Variants in PTK2 observed in about 807,000 individuals in gnomAD.
The protein encoded by PTK2 is protein tyrosine kinase 2.
Under a neutral mutation model 150.1 loss-of-function variants are expected in PTK2, and 45 were observed. The observed-to-expected ratio is 0.30, with a 90% confidence interval of 0.24 to 0.38. The LOEUF is 0.38. Among genes scored for constraint, PTK2 ranks in the 10% least tolerant of loss-of-function variants. PTK2 has a pLI of 1.00. For missense variants in PTK2, 919 were observed against 1,307.3 expected (o/e 0.70, Z 4.58); for synonymous variants, 432 against 449.2 (o/e 0.96, Z 0.48).
In PTK2 at chr8:140,717,578, G is replaced by C; in HGVS notation, c.2142+20C>G. ...AGTTAGTAAGAGTAACCCCAAAGTT[G>C]GGGTGGGGACTGTAGCTACCTTGGG... On this transcript the variant is annotated intron_variant, in intron 23 of 31. Coordinates refer to ENST00000522684, the Ensembl canonical transcript of PTK2. 6.4e-7 allele frequency: 1 copy of C among 1,574,028 alleles called. No homozygotes were observed. Among genetic ancestry groups the C allele is most frequent in the Non-Finnish European group, 8.7e-7 (1 of 1,143,672 alleles).
chr8:140,836,623 T>G (rs754512793), intron 7 of PTK2, among the ~76,000 whole-genome samples: 1 of 152,206 alleles, frequency 6.6e-6, no homozygotes, highest in Non-Finnish European at 1.5e-5. Context: ...AATTGACTAC[T>G]GTTGACAAGA....
intron 5 of PTK2, among the ~76,000 whole-genome samples, chr8:140,860,520 G>A (rs1179684839): frequency 1.3e-5 from 2 of 152,146 alleles, no homozygotes; most frequent in Non-Finnish European, 2.9e-5. Context: ...TGTCGCCCAG[G>A]CTGGAGTGCA....
chr8:140,784,489 C>A (rs1184767355), intron 14 of PTK2, among the ~76,000 whole-genome samples: 1 of 152,006 alleles, frequency 6.6e-6, no homozygotes, highest in South Asian at 2.1e-4. Flanking sequence ...AAGTTTATAC[C>A]TTCAAAATAT....
chr8:140,675,336 G>A (rs1016047886), intron 28 of PTK2, 124 bp downstream of exon 31: 30 of 999,314 alleles, frequency 3.0e-5, no homozygotes, highest in Non-Finnish European at 4.3e-5. Context: ...CATCGTACTT[G>A]CTGTGGTCTG....
At chr8:140,962,371 A>G (rs1171183136) in intron 1 of PTK2, among the ~76,000 whole-genome samples, 1 of 152,232 alleles carries the variant, frequency 6.6e-6, no homozygotes, top group Non-Finnish European at 1.5e-5. Context: ...GGCAATGAAG[A>G]CAGCAGTCCC....
chr8:140,712,345 C>T (rs1290512934), intron 23 of PTK2, among the ~76,000 whole-genome samples: 2 of 152,140 alleles, frequency 1.3e-5, no homozygotes, highest in Non-Finnish European at 2.9e-5. Flanking sequence ...TTACGATGTT[C>T]TGTTTTGTTG....
rs568071331 is a variant in PTK2 at position 140,722,213 on chromosome 8, T to C, written c.2031-4504A>G. On this transcript the variant is annotated intron_variant, in intron 22 of 31. Transcript: ENST00000522684. ...GTCTCAAACTCCTGGGCTCAAGTGA[T>C]CCCCCTGCCCTGGCCTCCCAAAGTG... Among the ~76,000 whole-genome samples the C allele has an allele frequency of 3.9e-5, 6 of 152,314 alleles. 1 individual carries two copies. The highest frequency in any genetic ancestry group is 6.8e-3 in the Middle Eastern group (2 of 294).
At chr8:140,841,685 T>G (rs2100122462) in intron 7 of PTK2, among the ~76,000 whole-genome samples, 1 of 151,906 alleles carries the variant, frequency 6.6e-6, no homozygotes, top group Non-Finnish European at 1.5e-5. Flanking sequence ...AATACAGAAC[T>G]AACATTACAA....
chr8:140,893,218 C>T (rs901227284), intron 2 of PTK2, among the ~76,000 whole-genome samples: 2 of 152,070 alleles, frequency 1.3e-5, no homozygotes, highest in African/African-American at 2.4e-5. Flanking sequence ...ACTTGGGAGG[C>T]CGAGGATTGC....
At chr8:140,951,839 C>A (rs1026457005) in intron 1 of PTK2, among the ~76,000 whole-genome samples, 2 of 151,466 alleles carry the variant, frequency 1.3e-5, no homozygotes, top group Non-Finnish European at 2.9e-5. Flanking sequence ...GAGCTATGAT[C>A]ATACCACTGC....
At chr8:140,717,737 G>A (rs1364713080) in intron 22 of PTK2, 28 bp from the exon 26 acceptor site, 11 of 1,592,084 alleles carry the variant, frequency 6.9e-6, no homozygotes, top group Admixed American at 1.7e-5. Flanking sequence ...TGTCTTAGGG[G>A]AGCTGACAAC....
At chr8:140,997,044 C>T (rs903758273) in intron 1 of PTK2, among the ~76,000 whole-genome samples, 3 of 152,092 alleles carry the variant, frequency 2.0e-5, no homozygotes, top group Non-Finnish European at 4.4e-5. Flanking sequence ...GTGAAAATAG[C>T]ATTATGAACA....
chr8:140,898,239 G>A (rs1288956843), intron 2 of PTK2, among the ~76,000 whole-genome samples: 1 of 152,198 alleles, frequency 6.6e-6, no homozygotes, highest in Non-Finnish European at 1.5e-5. Flanking sequence ...TCAAATTGCT[G>A]TAAGGTGTCT....
chr8:140,753,119 G>T (rs1054696855), intron 16 of PTK2, among the ~76,000 whole-genome samples: 1 of 152,206 alleles, frequency 6.6e-6, no homozygotes, highest in Non-Finnish European at 1.5e-5. Flanking sequence ...CTGCAGAGAG[G>T]CAAGGTTAGA....
intron 16 of PTK2, among the ~76,000 whole-genome samples, chr8:140,759,594 T>C (rs958984280): frequency 6.8e-6 from 1 of 147,764 alleles, no homozygotes; most frequent in African/African-American, 2.5e-5. Flanking sequence ...CAGTGGCTCA[T>C]GCCTGCAATC....
At chr8:140,699,698 C>A (rs1564633773) in intron 26 of PTK2, among the ~76,000 whole-genome samples, 1 of 152,054 alleles carries the variant, frequency 6.6e-6, no homozygotes, top group Non-Finnish European at 1.5e-5. Flanking sequence ...TGTGGTAATG[C>A]AAAAACCAAA....
intron 7 of PTK2, among the ~76,000 whole-genome samples, chr8:140,844,755 G>A (rs1362956095): frequency 6.6e-6 from 1 of 151,984 alleles, no homozygotes; most frequent in Non-Finnish European, 1.5e-5. Context: ...CTAAGCACAG[G>A]GTACCATAAG....
chr8:140,702,904 T>C (rs142680127), intron 24 of PTK2, among the ~76,000 whole-genome samples, 197 bp from the exon 28 acceptor site: 14 of 152,292 alleles, frequency 9.2e-5, no homozygotes, highest in Non-Finnish European at 1.9e-4. Context: ...CAGATGTGGT[T>C]ATAAGTCAAG....
intron 1 of PTK2, among the ~76,000 whole-genome samples, chr8:140,988,375 A>G (rs773405518): frequency 6.6e-6 from 1 of 152,234 alleles, no homozygotes; most frequent in Non-Finnish European, 1.5e-5. Flanking sequence ...TTATAAAGCT[A>G]TAATAACTTA....
Sources: allele counts gnomAD v4.1 joint callset (sites outside exome capture counted in the v4.1 genomes callset), GRCh38; gene constraint gnomAD v4.1.1; transcripts MANE v1.5; gene names NCBI Gene and HGNC (gene_info 2026-07-23, HGNC 2026-07-21).